Variants in TRAPPC8 observed in about 807,000 individuals in gnomAD.
TRAPPC8 encodes general sporulation gene 1 homolog.
A neutral mutation model predicts 174.3 loss-of-function variants in TRAPPC8; 54 were observed. That is an observed-to-expected ratio of 0.31 (90% CI 0.25 to 0.39). The LOEUF is 0.39. Ranked by LOEUF, TRAPPC8 falls within the 10% of genes least tolerant of loss-of-function variation. TRAPPC8 has a pLI of 1.00. For synonymous variants in TRAPPC8, 630 were observed against 579.9 expected (o/e 1.09, Z -1.24); for missense variants, 1,531 against 1,699.1 (o/e 0.90, Z 1.74).
At chr18:31,877,298 T>C (rs1292347436) in intron 12 of TRAPPC8, among the ~76,000 whole-genome samples, 3 of 152,136 alleles carry the variant, frequency 2.0e-5, no homozygotes, top group African/African-American at 7.2e-5. Context: ...TCATGCTTTT[T>C]GTGGTGGCTC....
intron 12 of TRAPPC8, among the ~76,000 whole-genome samples, chr18:31,884,632 T>C (rs936836758): frequency 6.6e-6 from 1 of 152,180 alleles, no homozygotes; most frequent in African/African-American, 2.4e-5. Flanking sequence ...AAACTTTTGT[T>C]TCAAAATATA....
chr18:31,839,077 A>C (rs2032939566), intron 27 of TRAPPC8, among the ~76,000 whole-genome samples: 1 of 152,200 alleles, frequency 6.6e-6, no homozygotes, highest in Admixed American at 6.5e-5. Context: ...AGATTTATAT[A>C]TTCCAGCTAT....
intron 20 of TRAPPC8, among the ~76,000 whole-genome samples, chr18:31,856,809 T>A (rs1217155323): frequency 1.5e-5 from 2 of 130,232 alleles, no homozygotes; most frequent in Admixed American, 7.3e-5. Flanking sequence ...GCTAAAATCT[T>A]TTTTTTTTTT....
chr18:31,916,478 C>T, intron 3 of TRAPPC8, 32 bp from the exon 4 acceptor site: 1 of 1,561,918 alleles, frequency 6.4e-7, no homozygotes, highest in Non-Finnish European at 8.7e-7. Context: ...GTAATTATCG[C>T]TTATTACTCA....
At chr18:31,925,992 A>C (rs984462702) in intron 2 of TRAPPC8, among the ~76,000 whole-genome samples, 10 of 152,208 alleles carry the variant, frequency 6.6e-5, no homozygotes, top group African/African-American at 2.4e-4. Flanking sequence ...AATACACACA[A>C]AATATATATA....
intron 19 of TRAPPC8, among the ~76,000 whole-genome samples, chr18:31,864,250 A>G (rs2034479972): frequency 6.6e-6 from 1 of 151,796 alleles, no homozygotes; most frequent in Non-Finnish European, 1.5e-5. Context: ...GAAGATAGGA[A>G]GAAGGTGAAA....
intron 9 of TRAPPC8, among the ~76,000 whole-genome samples, chr18:31,905,531 T>TA (rs1476742967): frequency 5.3e-5 from 8 of 152,120 alleles, no homozygotes; most frequent in African/African-American, 1.9e-4. Flanking sequence ...CCCATCTCTA[T>TA]AAAAAAATTA....
At chr18:31,858,352 AAAG>A (rs996377362) in intron 19 of TRAPPC8, among the ~76,000 whole-genome samples, 5 of 152,228 alleles carry the variant, frequency 3.3e-5, no homozygotes, top group Non-Finnish European at 5.9e-5. Context: ...ACTGTCAACT[AAAG>A]AAGCAGCTCA....
chr18:31,922,484 G>A (rs1241475124), intron 2 of TRAPPC8, among the ~76,000 whole-genome samples: 2 of 152,022 alleles, frequency 1.3e-5, no homozygotes, highest in Non-Finnish European at 2.9e-5. Context: ...CTGGCTACTC[G>A]AGAGGCTGAG....
At chr18:31,889,749 T>C (rs986940078) in intron 12 of TRAPPC8, among the ~76,000 whole-genome samples, 20 of 152,210 alleles carry the variant, frequency 1.3e-4, no homozygotes, top group African/African-American at 4.8e-4. Context: ...CAAGTCCACA[T>C]ATTTTCTAAC....
At chr18:31,881,875 G>T (rs1298214779) in intron 12 of TRAPPC8, among the ~76,000 whole-genome samples, 1 of 152,006 alleles carries the variant, frequency 6.6e-6, no homozygotes, top group African/African-American at 2.4e-5. Flanking sequence ...TGAAAAATAT[G>T]AAAAAATACT....
chr18:31,867,473 T>C lies in TRAPPC8; in HGVS notation c.2392A>G (p.Thr798Ala), dbSNP rs964922559. 5.6e-6 allele frequency: 9 copies of C among 1,596,270 alleles called. No individual in the cohort carries two copies. The highest frequency in any genetic ancestry group is 7.7e-6 in the Non-Finnish European group (9 of 1,166,990). ...KDNEEVKQLV[T>A]SEPEMIGAEV... ...GCTCCAATCATTTCAGGTTCACTTG[T>C]AACCTAAAAAATAAATTTCATAAAT... Residue 798 changes from threonine (T) to alanine (A), a missense_variant, in exon 17 of 29, where the codon ACA (threonine) becomes GCA (alanine). Physicochemically the swap from Thr to Ala is moderately conservative, Grantham distance 58. Transcript: ENST00000283351.
chr18:31,889,182 C>A (rs1363396650), intron 12 of TRAPPC8, among the ~76,000 whole-genome samples: 2 of 152,140 alleles, frequency 1.3e-5, no homozygotes, highest in Non-Finnish European at 2.9e-5. Flanking sequence ...CTCAGCTACC[C>A]TGAATCATTA....
At chr18:31,864,068 T>C (rs1339668344) in intron 19 of TRAPPC8, among the ~76,000 whole-genome samples, 3 of 147,338 alleles carry the variant, frequency 2.0e-5, no homozygotes, top group Non-Finnish European at 3.0e-5. Flanking sequence ...TTATGTATTA[T>C]ATAATATATA....
At position 31,911,237 on chromosome 18, in the gene TRAPPC8, C is replaced by A. The variant is rs78608492; in HGVS notation, c.772-1477G>T. Among the ~76,000 whole-genome samples, 945 of 152,248 alleles carry A rather than the reference C, an allele frequency of 6.2e-3. 51 individuals are homozygous for A. In the East Asian group the frequency reaches 0.12, roughly 19 times the overall value. ...TTCCATTTACTTAAGAATTTCTAGG[C>A]CAGGCGCTGTGGCTTACGCCTGTAA... is the stretch of plus-strand genomic sequence containing the variant. On this transcript the variant is annotated intron_variant, in intron 5 of 28. Transcript: ENST00000283351.
chr18:31,844,294 T>C (rs1282465149), intron 26 of TRAPPC8: 1 of 152,202 alleles, frequency 6.6e-6, no homozygotes, highest in Non-Finnish European at 1.5e-5. Flanking sequence ...AAAGCAGTAG[T>C]TTTGCTTTTG....
chr18:31,940,134 T>C (rs1247578611), intron 1 of TRAPPC8, among the ~76,000 whole-genome samples: 2 of 152,222 alleles, frequency 1.3e-5, no homozygotes, highest in Admixed American at 6.5e-5. Flanking sequence ...TGATTACACA[T>C]TGAAATAGTA....
chr18:31,888,680 C>T (rs2035828024), intron 12 of TRAPPC8, among the ~76,000 whole-genome samples: 1 of 152,214 alleles, frequency 6.6e-6, no homozygotes, highest in Non-Finnish European at 1.5e-5. Context: ...GAAAACTGAA[C>T]ACCGCATGTT....
chr18:31,892,902 A>G lies in TRAPPC8; in HGVS notation c.1597-2036T>C, dbSNP rs531176452. ...CATGATGGTGAGTGTCTGTGGTCCT[A>G]GCTACTTGGGAGGCTGAGGCAGGAG... On this transcript the variant is annotated intron_variant, in intron 11 of 28. Transcript: ENST00000283351. Among the ~76,000 whole-genome samples the G allele has an allele frequency of 2.6e-5, 4 of 152,002 alleles. No homozygotes were observed. The South Asian group carries it at 8.3e-4, about 32-fold the overall frequency.
Sources: gnomAD v4.1 joint callset for allele counts (sites outside exome capture counted in the v4.1 genomes callset) on GRCh38, gnomAD v4.1.1 for gene constraint, MANE v1.5 for transcripts, NCBI Gene and HGNC (gene_info 2026-07-23, HGNC 2026-07-21) for gene names.